Variants in ERP44 observed in about 807,000 individuals in gnomAD.
ERP44 encodes the protein endoplasmic reticulum protein 44, also known as endoplasmic reticulum resident protein 44.
A neutral mutation model predicts 53.4 loss-of-function variants in ERP44; 25 were observed. The observed-to-expected ratio is 0.47, with a 90% CI of 0.34 to 0.65. ERP44 has a LOEUF of 0.65. Ranked by LOEUF, ERP44 falls within the 30% of genes least tolerant of loss-of-function variation. The probability of loss-of-function intolerance (pLI) is 0.01; values close to 1 mark genes in which losing one functional copy is unlikely to be tolerated. For missense variants in ERP44, 338 were observed against 493.2 expected, an observed-to-expected ratio of 0.69 and a Z score of 2.98; for synonymous variants, 145 against 161.2, an observed-to-expected ratio of 0.90 and a Z score of 0.76.
chr9:100,056,717 C>T (rs926715532), intron 3 of ERP44, among the ~76,000 whole-genome samples: 1 of 152,136 alleles, frequency 6.6e-6, no homozygotes, highest in African/African-American at 2.4e-5. Context: ...ATGATCCATC[C>T]AGGCAGGGGA....
At chr9:100,026,887 C>T (rs560020150) in intron 4 of ERP44, among the ~76,000 whole-genome samples, 4 of 152,236 alleles carry the variant, frequency 2.6e-5, no homozygotes, top group South Asian at 4.1e-4. Context: ...ATATATTTTC[C>T]ACCTGTGTCC....
intron 1 of ERP44, among the ~76,000 whole-genome samples, chr9:100,090,923 T>C (rs1236265354): frequency 6.6e-6 from 1 of 152,206 alleles, no homozygotes; most frequent in Non-Finnish European, 1.5e-5. Flanking sequence ...CCCAGAAGGA[T>C]GTCAAACATG....
At chr9:100,081,184 C>G (rs2118748395) in intron 1 of ERP44, among the ~76,000 whole-genome samples, 1 of 151,728 alleles carries the variant, frequency 6.6e-6, no homozygotes, top group Non-Finnish European at 1.5e-5. Context: ...AAGAGATATA[C>G]CTATAAAAGA....
At chr9:99,996,129 C>T (rs1472922078) in intron 10 of ERP44, among the ~76,000 whole-genome samples, 1 of 151,976 alleles carries the variant, frequency 6.6e-6, no homozygotes, top group Non-Finnish European at 1.5e-5. Flanking sequence ...AATTTTATCC[C>T]CAACATGGAG....
intron 5 of ERP44, 148 bp from the exon 6 acceptor site, chr9:100,020,879 T>G: frequency 5.6e-6 from 3 of 538,824 alleles, no homozygotes; most frequent in Non-Finnish European, 9.8e-6. Context: ...TTTTAACACC[T>G]AGTCCAAAAC....
intron 10 of ERP44, among the ~76,000 whole-genome samples, chr9:99,991,240 T>G (rs1010330583): frequency 1.3e-5 from 2 of 152,168 alleles, no homozygotes; most frequent in African/African-American, 4.8e-5. Context: ...ATCACACTTA[T>G]TCCAAAACTG....
chr9:100,095,462 G>A (rs1248474416), intron 1 of ERP44, among the ~76,000 whole-genome samples: 1 of 152,022 alleles, frequency 6.6e-6, no homozygotes, highest in Non-Finnish European at 1.5e-5. Flanking sequence ...TTAAAAAAAG[G>A]GAAACAATCA....
At chr9:100,083,454 C>T (rs1163329933) in intron 1 of ERP44, among the ~76,000 whole-genome samples, 1 of 151,916 alleles carries the variant, frequency 6.6e-6, no homozygotes, top group Non-Finnish European at 1.5e-5. Flanking sequence ...TCAGCTACAG[C>T]AAAAAATAAA....
chr9:100,057,829 T>C lies in ERP44; in HGVS notation c.161A>G (p.Tyr54Cys). The stretch of plus-strand genomic sequence containing the variant: ...CAATAAGATTACTTACCAGTCAGCA[T>C]AAAAATTTACTAAAGCAACATCAGC... ...NNADVALVNF[Y>C]ADWCRFSQML... The change falls in exon 3 of 12, where the codon TAT becomes TGT. Residue 54 changes from tyrosine (Y) to cysteine (C), a missense_variant. Physicochemically the swap from Tyr to Cys is radical, Grantham distance 194. Coordinates refer to ENST00000262455, the MANE Select transcript of ERP44 (RefSeq NM_015051.3). 6.2e-7 allele frequency: 1 copy of C among 1,605,736 alleles called. No individual in the cohort carries two copies. The highest frequency in any genetic ancestry group is 8.5e-7 in the Non-Finnish European group (1 of 1,175,384).
intron 1 of ERP44, among the ~76,000 whole-genome samples, chr9:100,069,424 CT>C (rs1316353468): frequency 5.3e-5 from 8 of 152,174 alleles, no homozygotes; most frequent in African/African-American, 1.9e-4. Flanking sequence ...CTCTACAAAA[CT>C]ACTTTCAGAC....
At chr9:100,068,412 C>A (rs1162609977) in intron 1 of ERP44, among the ~76,000 whole-genome samples, 2 of 48,604 alleles carry the variant, frequency 4.1e-5, no homozygotes, top group South Asian at 1.7e-3. Context: ...GGCCAGCCGC[C>A]GGGCCAGCCG....
At position 100,006,522 on chromosome 9, in the gene ERP44, C is replaced by T; in HGVS notation, c.1000G>A (p.Asp334Asn). The T allele has an allele frequency of 1.9e-6, 3 of 1,606,424 alleles. No homozygotes were observed. Among genetic ancestry groups the T allele is most frequent in the Non-Finnish European group, 2.5e-6 (3 of 1,177,422 alleles). ...AATACTCACAATACATCTTTGAAGT[C>T]TCCAAACACATACATATGCCTAAAG... ...DSFRHMYVFG[D>N]FKDVLIPGKL... The change falls in exon 10 of 12, where the codon GAC becomes AAC. Residue 334 changes from aspartate (D) to asparagine (N), a missense_variant. By Grantham distance (23) the Asp-to-Asn change is conservative (BLOSUM62 1). Coordinates refer to ENST00000262455, the MANE Select transcript of ERP44 (RefSeq NM_015051.3).
chr9:100,037,858 A>G (rs1443824905), intron 4 of ERP44, among the ~76,000 whole-genome samples: 2 of 152,178 alleles, frequency 1.3e-5, no homozygotes, highest in East Asian at 1.9e-4. Flanking sequence ...AAGAAATAAC[A>G]TAAAATGGAA....
intron 10 of ERP44, among the ~76,000 whole-genome samples, chr9:100,003,158 C>A (rs1344043675): frequency 1.3e-5 from 2 of 152,284 alleles, no homozygotes; most frequent in African/African-American, 4.8e-5. Context: ...TAATTTCAAT[C>A]TCTCTGGTAA....
chr9:100,018,721 C>T (rs1564090977), intron 6 of ERP44, among the ~76,000 whole-genome samples: 1 of 152,090 alleles, frequency 6.6e-6, no homozygotes, highest in Non-Finnish European at 1.5e-5. Context: ...GAACCTAGTA[C>T]AGTATCTGGC....
intron 2 of ERP44, among the ~76,000 whole-genome samples, chr9:100,059,222 A>T (rs894129752): frequency 2.6e-5 from 4 of 152,218 alleles, no homozygotes; most frequent in African/African-American, 9.6e-5. Flanking sequence ...ATGGAGGATT[A>T]AAAAAAGAAA....
intron 1 of ERP44, among the ~76,000 whole-genome samples, chr9:100,068,733 C>T (rs7032415): frequency 0.44 from 62,515 of 143,210 alleles, 13,539 homozygotes; most frequent in East Asian, 0.85. Context: ...TGCCCGGCCG[C>T]CCCTACTGGG....
intron 4 of ERP44, among the ~76,000 whole-genome samples, chr9:100,030,902 C>G (rs1825779636): frequency 6.6e-6 from 1 of 152,126 alleles, no homozygotes; most frequent in Admixed American, 6.5e-5. Context: ...TGCTTTTCTC[C>G]CTTTCCTATC....
At chr9:100,048,659 A>G (rs1483576098) in intron 4 of ERP44, among the ~76,000 whole-genome samples, 1 of 152,214 alleles carries the variant, frequency 6.6e-6, no homozygotes, top group East Asian at 1.9e-4. Context: ...CGTGGTATAT[A>G]CATACCACGA....
Sources: allele counts gnomAD v4.1 joint callset (sites outside exome capture counted in the v4.1 genomes callset), GRCh38; gene constraint gnomAD v4.1.1; transcripts MANE v1.5; gene names NCBI Gene and HGNC (gene_info 2026-07-23, HGNC 2026-07-21).